PKD1L1: variants seen among roughly 807,000 people sequenced by gnomAD.
PKD1L1 encodes the protein polycystin 1 like 1, transient receptor potential channel interacting.
PKD1L1 carries 236 observed loss-of-function variants against 323.4 expected under a neutral mutation model. That is an observed-to-expected ratio of 0.73 (90% confidence interval 0.66 to 0.81). The LOEUF (loss-of-function observed/expected upper bound fraction) is 0.81, where lower values mean the gene tolerates loss of function less well. Among genes scored for constraint, PKD1L1 ranks in the 40% least tolerant of loss-of-function variants. The pLI is 0.00. For synonymous variants in PKD1L1, 1,344 were observed against 1,335.0 expected (o/e 1.01, Z -0.15); for missense variants, 3,320 against 3,508.0 (o/e 0.95, Z 1.35).
chr7:47,893,706 A>G (rs1243402984), intron 15 of PKD1L1, among the ~76,000 whole-genome samples, 172 bp downstream of exon 15: 2 of 152,026 alleles, frequency 1.3e-5, no homozygotes. Flanking sequence ...TTTTACTTCC[A>G]CTCTTTTCCT....
chr7:47,834,128 A>C (rs1490454373), intron 40 of PKD1L1, among the ~76,000 whole-genome samples: 1 of 120,858 alleles, frequency 8.3e-6, no homozygotes, highest in Non-Finnish European at 1.7e-5. Context: ...CCGGGTTGCC[A>C]TGGCATGTGT....
chr7:47,864,910 T>C (rs1030810447), intron 26 of PKD1L1, among the ~76,000 whole-genome samples: 2 of 151,948 alleles, frequency 1.3e-5, no homozygotes, highest in African/African-American at 4.8e-5. Context: ...ATATTTTTAG[T>C]GGAGACAGGG....
At chr7:47,932,188 C>G in intron 4 of PKD1L1, 132 bp from the exon 5 acceptor site, 2 of 1,391,974 alleles carry the variant, frequency 1.4e-6, no homozygotes, top group Non-Finnish European at 1.9e-6. Context: ...ATTGCAGGCT[C>G]ATTCCTGGGA....
intron 4 of PKD1L1, among the ~76,000 whole-genome samples, chr7:47,934,446 C>T (rs1787828895): frequency 6.6e-6 from 1 of 152,240 alleles, no homozygotes; most frequent in South Asian, 2.1e-4. Context: ...GATCTTCTGT[C>T]CTCCCAGAGG....
At chr7:47,909,522 T>C (rs1787274976) in intron 8 of PKD1L1, among the ~76,000 whole-genome samples, 1 of 152,250 alleles carries the variant, frequency 6.6e-6, no homozygotes, top group Admixed American at 6.5e-5. Flanking sequence ...TGGCTTCACC[T>C]GGCATCTGAC....
chr7:47,789,197 G>A (rs1279679515), intron 56 of PKD1L1, among the ~76,000 whole-genome samples: 1 of 152,162 alleles, frequency 6.6e-6, no homozygotes, highest in Non-Finnish European at 1.5e-5. Context: ...ATAGTTTGGT[G>A]TATTTTCTCT....
intron 31 of PKD1L1, among the ~76,000 whole-genome samples, chr7:47,849,211 A>C (rs1229148897): frequency 6.6e-6 from 1 of 152,250 alleles, no homozygotes; most frequent in Non-Finnish European, 1.5e-5. Flanking sequence ...AGCTGGATCA[A>C]AGACTTAAAT....
In PKD1L1 at chr7:47,836,861, A is replaced by AGTTTCT. The variant is rs1785467946; in HGVS notation, c.5943+59_5943+60insAGAAAC. On this transcript the variant is annotated intron_variant, in intron 37 of 56. Coordinates refer to ENST00000289672, the MANE Select transcript of PKD1L1 (RefSeq NM_138295.5). The stretch of plus-strand genomic sequence containing the variant: ...TGAGCTTTGTTGATTTCTTAGGCAA[A>AGTTTCT]AAGGGGCCACAGTGTAGTCGGATCT... 1.4e-5 allele frequency: 21 copies of AGTTTCT among 1,538,914 alleles called. No individual in the cohort carries two copies. In the East Asian group the frequency reaches 4.8e-4, roughly 35 times the overall value.
intron 7 of PKD1L1, among the ~76,000 whole-genome samples, chr7:47,924,209 T>C (rs887604110): frequency 6.6e-6 from 1 of 152,300 alleles, no homozygotes; most frequent in African/African-American, 2.4e-5. Context: ...GCTGGGGTTT[T>C]GTAAAAGTAC....
intron 13 of PKD1L1, among the ~76,000 whole-genome samples, chr7:47,902,060 A>G (rs1343495056): frequency 8.4e-6 from 1 of 119,148 alleles, no homozygotes; most frequent in Non-Finnish European, 1.9e-5. Flanking sequence ...AAAAGAAAAA[A>G]AAGAAAAGAA....
In PKD1L1 at chr7:47,898,175, A is replaced by T. The variant is rs780941182; in HGVS notation, c.2084T>A (p.Val695Glu). The change falls in exon 14 of 57, where the codon GTG (valine) becomes GAG (glutamate). Residue 695 changes from valine to glutamate, a missense_variant. By Grantham distance (121) the Val-to-Glu change is moderately radical (BLOSUM62 -2). Coordinates refer to ENST00000289672, the MANE Select transcript of PKD1L1 (RefSeq NM_138295.5). ...GKVQIWRSQPVRLGVTFEAAV... is the reference protein window; with the variant it reads ...GKVQIWRSQPERLGVTFEAAV... ...AGCTTCAAACGTCACTCCCAGCCTC[A>T]CAGGCTGAGACCTCCATATCTAAGT... 1 of 1,613,766 alleles carries T rather than the reference A, an allele frequency of 6.2e-7. No homozygotes were observed. The highest frequency in any genetic ancestry group is 8.5e-7 in the Non-Finnish European group (1 of 1,179,672).
rs1786291449 is a variant in PKD1L1, at chr7:47,872,017, G to A, written c.3896+1882C>T. 2.0e-5 allele frequency among the ~76,000 whole-genome samples: 3 copies of A among 152,166 alleles called. No homozygotes were observed. The South Asian group carries it at 6.2e-4, about 32-fold the overall frequency. On this transcript the variant is annotated intron_variant, in intron 24 of 56. Coordinates refer to ENST00000289672, the MANE Select transcript of PKD1L1 (RefSeq NM_138295.5). ...GTGACAGATGACATGATCTTATATA[G>A]AGAAAATCTCAAGGAATTCGGTAAA...
chr7:47,907,107 T>C (rs1787221810), intron 9 of PKD1L1, among the ~76,000 whole-genome samples: 1 of 152,196 alleles, frequency 6.6e-6, no homozygotes, highest in Non-Finnish European at 1.5e-5. Flanking sequence ...ACCGGCTAGT[T>C]AGGGTAGGCA....
At chr7:47,929,969 T>G (rs1310714769) in intron 6 of PKD1L1, among the ~76,000 whole-genome samples, 2 of 152,230 alleles carry the variant, frequency 1.3e-5, no homozygotes, top group African/African-American at 4.8e-5. Flanking sequence ...CCACCCTTTC[T>G]ACATTTCTCC....
At chr7:47,861,335 C>T (rs1375414454) in intron 26 of PKD1L1, among the ~76,000 whole-genome samples, 1 of 152,174 alleles carries the variant, frequency 6.6e-6, no homozygotes, top group Non-Finnish European at 1.5e-5. Flanking sequence ...AAATTTGTCT[C>T]GAACAAAATG....
chr7:47,890,481 C>T lies in PKD1L1; in HGVS notation c.2675+61G>A, dbSNP rs1786786664. On this transcript the variant is annotated intron_variant, in intron 16 of 56. Coordinates refer to ENST00000289672, the MANE Select transcript of PKD1L1 (RefSeq NM_138295.5). ...GCACAGCAGATTCCTTTCACGGATG[C>T]TAGCACCAGGTGGGAACAAACACCG... is the stretch of plus-strand genomic sequence containing the variant. 12 of 1,532,244 alleles carry T rather than the reference C, an allele frequency of 7.8e-6. No homozygotes were observed. The South Asian group carries it at 1.4e-4, about 17-fold the overall frequency. The allele number at this position is 1,532,244 out of a possible 1,614,324, so 94.9% of individuals were successfully genotyped here.
At chr7:47,924,237 C>A (rs936568444) in intron 7 of PKD1L1, among the ~76,000 whole-genome samples, 1 of 152,168 alleles carries the variant, frequency 6.6e-6, no homozygotes, top group South Asian at 2.1e-4. Flanking sequence ...AAAGTACTTT[C>A]CCAGCAGGGT....
At chr7:47,838,686 T>C (rs1434785930) in intron 36 of PKD1L1, among the ~76,000 whole-genome samples, 2 of 152,066 alleles carry the variant, frequency 1.3e-5, no homozygotes, top group Non-Finnish European at 2.9e-5. Flanking sequence ...AAGACCAATC[T>C]GGCCAACATG....
chr7:47,843,214 A>AT, intron 33 of PKD1L1, 45 bp from the exon 34 acceptor site: 1 of 1,477,088 alleles, frequency 6.8e-7, no homozygotes, highest in Non-Finnish European at 9.3e-7. Flanking sequence ...TCATGAAAAT[A>AT]GACATATAGG....
Sources: gnomAD v4.1 joint callset for allele counts (sites outside exome capture counted in the v4.1 genomes callset) on GRCh38, gnomAD v4.1.1 for gene constraint, MANE v1.5 for transcripts, NCBI Gene and HGNC (gene_info 2026-07-23, HGNC 2026-07-21) for gene names.